Variants in SLCO2A1 observed in about 807,000 individuals in gnomAD.
The protein encoded by SLCO2A1 is matrin F/G 1.
A neutral mutation model predicts 71.7 loss-of-function variants in SLCO2A1; 60 were observed. The observed-to-expected ratio is 0.84, with a 90% CI of 0.68 to 1.04. The LOEUF is 1.04. Ranked by LOEUF, SLCO2A1 falls within the 50% of genes least tolerant of loss-of-function variation. The pLI is 0.00. For missense variants in SLCO2A1, 745 were observed against 813.4 expected, an observed-to-expected ratio of 0.92 and a Z score of 1.02; for synonymous variants, 308 against 326.7, an observed-to-expected ratio of 0.94 and a Z score of 0.62.
intron 9 of SLCO2A1, among the ~76,000 whole-genome samples, 166 bp downstream of exon 9, chr3:133,947,090 C>T (rs1248827560): frequency 2.0e-5 from 3 of 151,248 alleles, no homozygotes; most frequent in Non-Finnish European, 4.4e-5. Context: ...GCCAAGATCA[C>T]GCCACTGCAC....
At chr3:133,967,928 C>A (rs1472351250) in intron 3 of SLCO2A1, among the ~76,000 whole-genome samples, 1 of 94,336 alleles carries the variant, frequency 1.1e-5, no homozygotes, top group African/African-American at 4.2e-5. Flanking sequence ...CACCTCCATA[C>A]CCCCCACACA....
At chr3:133,943,053 G>A (rs1933472669) in intron 10 of SLCO2A1, among the ~76,000 whole-genome samples, 1 of 152,232 alleles carries the variant, frequency 6.6e-6, no homozygotes, top group Non-Finnish European at 1.5e-5. Context: ...ACACTGCCAG[G>A]TTAGGCCCCC....
chr3:133,956,674 C>T (rs979993139), intron 3 of SLCO2A1, among the ~76,000 whole-genome samples: 1 of 152,112 alleles, frequency 6.6e-6, no homozygotes, highest in Non-Finnish European at 1.5e-5. Context: ...TAGAGTGGCC[C>T]GACCACATGG....
intron 6 of SLCO2A1, chr3:133,949,223 T>C (rs1168846467): frequency 1.6e-5 from 8 of 507,638 alleles, no homozygotes; most frequent in Non-Finnish European, 2.9e-5. Flanking sequence ...CCTGTGGGCA[T>C]ATCATTTCAT....
At chr3:133,953,392 TC>T (rs1405274248) in intron 5 of SLCO2A1, among the ~76,000 whole-genome samples, 11 of 152,172 alleles carry the variant, frequency 7.2e-5, no homozygotes, top group African/African-American at 2.7e-4. Flanking sequence ...ACACCTGAGG[TC>T]CTGCCCTGGG....
At chr3:134,008,380 A>G (rs1016085930) in intron 1 of SLCO2A1, among the ~76,000 whole-genome samples, 19 of 152,336 alleles carry the variant, frequency 1.2e-4, no homozygotes, top group Admixed American at 1.0e-3. Context: ...GAATAAATGA[A>G]TGAATAAATG....
intron 1 of SLCO2A1, among the ~76,000 whole-genome samples, chr3:134,004,323 CAA>C (rs2108071433): frequency 6.6e-6 from 1 of 152,272 alleles, no homozygotes; most frequent in African/African-American, 2.4e-5. Context: ...AAATTAATCA[CAA>C]GAGTTTTTTT....
Position 133,933,664 on chromosome 3 carries a change from A to C in SLCO2A1, c.*1049T>G, listed in dbSNP as rs959116804. 1 of 152,254 alleles carries C rather than the reference A, an allele frequency of 6.6e-6. No homozygotes were observed. The highest frequency in any genetic ancestry group is 2.4e-5 in the African/African-American group (1 of 41,464). 9.4% of individuals were successfully genotyped at this position (152,254 alleles called of 1,614,324 possible). ...CCTGACTGGCTGTTTTGTGGGCCGC[A>C]GCTTGCCATCCAGCTTGGTGACAGT... On this transcript the variant is annotated 3_prime_UTR_variant, in exon 14 of 14. Coordinates refer to ENST00000310926, the MANE Select transcript of SLCO2A1 (RefSeq NM_005630.3).
At chr3:133,955,978 G>T (rs1348089960) in intron 3 of SLCO2A1, among the ~76,000 whole-genome samples, 1 of 152,144 alleles carries the variant, frequency 6.6e-6, no homozygotes, top group Non-Finnish European at 1.5e-5. Context: ...CTGTGGCTGT[G>T]GCCCTTGCCA....
rs548556025 is a variant in SLCO2A1, at chr3:133,996,865, T to A, written c.97-17247A>T. Among the ~76,000 whole-genome samples, 19 of 152,298 alleles carry A rather than the reference T, an allele frequency of 1.2e-4. No homozygotes were observed. In the South Asian group the frequency reaches 2.1e-3, roughly 17 times the overall value. ...GAAAAAAGCACACTTCTGTGGTCACTCGTCCCAGTTTTTCTGGTGGCAGGT... is the reference window on the plus strand; with the variant it reads ...GAAAAAAGCACACTTCTGTGGTCACACGTCCCAGTTTTTCTGGTGGCAGGT... On this transcript the variant is annotated intron_variant, in intron 1 of 13. Coordinates refer to ENST00000310926, the MANE Select transcript of SLCO2A1 (RefSeq NM_005630.3).
At chr3:133,953,129 C>T (rs756987967) in intron 5 of SLCO2A1, among the ~76,000 whole-genome samples, 7 of 152,062 alleles carry the variant, frequency 4.6e-5, no homozygotes, top group Admixed American at 2.6e-4. Context: ...CTCTGCCTCC[C>T]AGGTTCACGC....
chr3:134,015,240 T>C lies in SLCO2A1; in HGVS notation c.96+14467A>G, dbSNP rs554907811. The stretch of plus-strand genomic sequence containing the variant: ...AGGAAAAATGTGGCATGTATACATA[T>C]GGAATATTATTCAGCCTTTTAAAAG... On this transcript the variant is annotated intron_variant, in intron 1 of 13. Transcript: ENST00000310926. 4.6e-5 allele frequency among the ~76,000 whole-genome samples: 7 copies of C among 152,306 alleles called. No homozygotes were observed. In the East Asian group the frequency reaches 1.3e-3, roughly 29 times the overall value.
chr3:133,960,157 T>C (rs1934003683), intron 3 of SLCO2A1, among the ~76,000 whole-genome samples: 1 of 150,878 alleles, frequency 6.6e-6, no homozygotes, highest in African/African-American at 2.5e-5. Context: ...AATAAATAAA[T>C]ACTAATAAAG....
rs972556675 is a variant in SLCO2A1, at chr3:134,029,697, C to A, written c.96+10G>T. The A allele has an allele frequency of 1.9e-6, 3 of 1,576,518 alleles. No homozygotes were observed. Among genetic ancestry groups the A allele is most frequent in the East Asian group, 2.4e-5 (1 of 42,496 alleles). On this transcript the variant is annotated intron_variant, in intron 1 of 13. Transcript: ENST00000310926. ...GCTCCGGCCCGGAAGACCCCGCGGA[C>A]TCCGCTCACCTTAATGTTGCCGAAG...
chr3:133,999,564 G>C (rs554175424), intron 1 of SLCO2A1, among the ~76,000 whole-genome samples: 1 of 152,334 alleles, frequency 6.6e-6, no homozygotes, highest in Admixed American at 6.5e-5. Flanking sequence ...GCTACTCTCA[G>C]GGTGATATGG....
intron 3 of SLCO2A1, among the ~76,000 whole-genome samples, chr3:133,963,997 C>A (rs1238033364): frequency 6.6e-6 from 1 of 152,218 alleles, no homozygotes; most frequent in African/African-American, 2.4e-5. Context: ...GTGTAGTCCA[C>A]AAAGCCTAGT....
intron 1 of SLCO2A1, among the ~76,000 whole-genome samples, chr3:133,994,197 T>G (rs1934911886): frequency 6.6e-6 from 1 of 152,210 alleles, no homozygotes; most frequent in South Asian, 2.1e-4. Context: ...TAATAAATGT[T>G]TAATAAATAT....
chr3:134,003,534 C>T lies in SLCO2A1; in HGVS notation c.97-23916G>A, dbSNP rs139781027. Among the ~76,000 whole-genome samples the T allele has an allele frequency of 9.1e-4, 139 of 152,320 alleles. 1 individual carries two copies. The highest frequency in any genetic ancestry group is 3.4e-3 in the Middle Eastern group (1 of 294). ...TTCCAGGTCTCCTTGCAGAAGCTTA[C>T]CCCAAGCATGCCTTCCTCCTCTCAT... On this transcript the variant is annotated intron_variant, in intron 1 of 13. Transcript: ENST00000310926.
At chr3:133,938,522 G>A in intron 11 of SLCO2A1, 29 bp from the exon 12 acceptor site, 4 of 1,610,054 alleles carry the variant, frequency 2.5e-6, no homozygotes, top group Non-Finnish European at 3.4e-6. Context: ...AATCAGCAGT[G>A]GGAGGATTCA....
Sources: gnomAD v4.1 joint callset for allele counts (sites outside exome capture counted in the v4.1 genomes callset) on GRCh38, gnomAD v4.1.1 for gene constraint, MANE v1.5 for transcripts, NCBI Gene and HGNC (gene_info 2026-07-23, HGNC 2026-07-21) for gene names.